NME7: variants seen among roughly 807,000 people sequenced by gnomAD.
NME7 encodes the protein NME/NM23 family member 7.
A neutral mutation model predicts 49.1 loss-of-function variants in NME7; 41 were observed. The ratio of observed to expected loss-of-function variants is 0.83; its 90% CI spans 0.65 to 1.08. NME7 has a LOEUF of 1.08. Ranked by LOEUF, NME7 falls within the 50% of genes least tolerant of loss-of-function variation. The pLI is 0.00. For missense variants in NME7, 423 were observed against 463.4 expected (o/e 0.91, Z 0.80); for synonymous variants, 139 against 150.6 (o/e 0.92, Z 0.56).
intron 11 of NME7, among the ~76,000 whole-genome samples, chr1:169,159,622 T>C (rs977013374): frequency 1.3e-5 from 2 of 152,170 alleles, no homozygotes; most frequent in African/African-American, 4.8e-5. Flanking sequence ...GTAAACTCCC[T>C]TGAAACTTGA....
intron 2 of NME7, among the ~76,000 whole-genome samples, chr1:169,323,631 A>C (rs867225353): frequency 2.0e-5 from 3 of 152,134 alleles, no homozygotes; most frequent in Non-Finnish European, 2.9e-5. Context: ...CAAAATCCCA[A>C]TACCAAAAAG....
At chr1:169,209,138 A>AT (rs933534736) in intron 10 of NME7, among the ~76,000 whole-genome samples, 13 of 152,076 alleles carry the variant, frequency 8.5e-5, no homozygotes, top group Non-Finnish European at 1.5e-5. Flanking sequence ...AGACCTCATT[A>AT]TTGCCACACC....
rs191003080 is a variant in NME7, at chr1:169,258,677, G to A, written c.755-20990C>T. On this transcript the variant is annotated intron_variant, in intron 7 of 11. Coordinates refer to ENST00000367811, the MANE Select transcript of NME7 (RefSeq NM_013330.5). ...TAAAAATAGACTAATACCACAACAC[G>A]GATCACAAGGTATATAATTCTTGCT... 8.4e-5 allele frequency among the ~76,000 whole-genome samples: 11 copies of A among 130,990 alleles called. 2 individuals carry two copies. Among genetic ancestry groups the A allele is most frequent in the African/African-American group, 2.8e-4 (11 of 38,960 alleles). The allele number at this position is 130,990 out of a possible 152,430, so 85.9% of individuals were successfully genotyped here.
chr1:169,138,043 G>A (rs1038764617), intron 11 of NME7, among the ~76,000 whole-genome samples: 2 of 152,238 alleles, frequency 1.3e-5, no homozygotes, highest in Non-Finnish European at 2.9e-5. Flanking sequence ...GGGTGCAGTG[G>A]CTCATGCCTG....
chr1:169,337,693 G>C (rs1363603729), intron 1 of NME7, among the ~76,000 whole-genome samples: 1 of 152,200 alleles, frequency 6.6e-6, no homozygotes, highest in African/African-American at 2.4e-5. Flanking sequence ...AACAAGCATA[G>C]TAATTCACAT....
At chr1:169,262,459 G>C (rs1293265896) in intron 7 of NME7, among the ~76,000 whole-genome samples, 1 of 134,056 alleles carries the variant, frequency 7.5e-6, no homozygotes, top group Non-Finnish European at 1.8e-5. Context: ...GGATATCTGG[G>C]GGCAGGGCTA....
intron 7 of NME7, among the ~76,000 whole-genome samples, chr1:169,253,324 A>G (rs1397326360): frequency 1.3e-5 from 2 of 149,882 alleles, no homozygotes; most frequent in Non-Finnish European, 3.0e-5. Flanking sequence ...CTTTGAAGCA[A>G]TTGTGAATGG....
intron 1 of NME7, among the ~76,000 whole-genome samples, chr1:169,350,423 C>T (rs1190501808): frequency 1.3e-5 from 2 of 152,022 alleles, no homozygotes; most frequent in East Asian, 3.9e-4. Context: ...CCATTCTCCA[C>T]CAGCACTGCC....
chr1:169,330,791 A>G (rs1652225959), intron 1 of NME7, among the ~76,000 whole-genome samples: 1 of 152,200 alleles, frequency 6.6e-6, no homozygotes, highest in African/African-American at 2.4e-5. Flanking sequence ...TAGAAGAAAC[A>G]GAAAAATAAC....
At chr1:169,238,011 T>C (rs796399326) in intron 7 of NME7, among the ~76,000 whole-genome samples, 9 of 152,106 alleles carry the variant, frequency 5.9e-5, no homozygotes, top group African/African-American at 2.2e-4. Context: ...AATGGCATTA[T>C]TTAATACAAA....
intron 4 of NME7, among the ~76,000 whole-genome samples, chr1:169,308,534 C>A (rs973705265): frequency 1.4e-4 from 22 of 152,158 alleles, no homozygotes; most frequent in African/African-American, 5.3e-4. Flanking sequence ...GAAACAAAGG[C>A]CTCTGTCCTA....
chr1:169,324,445 A>C lies in NME7; in HGVS notation c.59T>G (p.Leu20Arg). 6.2e-7 allele frequency: 1 copy of C among 1,613,644 alleles called. No individual in the cohort carries two copies. The highest frequency in any genetic ancestry group is 8.5e-7 in the Non-Finnish European group (1 of 1,179,662). ...IAEWYDPNAS[L>R]LRRYELLFYP... ...AAATAAAAGCTCATAACGTCGAAGA[A>C]GTGAAGCATTTGGATCATACCACTC... The change falls in exon 2 of 12, where the codon CTT becomes CGT. Residue 20 changes from leucine (L) to arginine (R), a missense_variant. Coordinates refer to ENST00000367811, the MANE Select transcript of NME7 (RefSeq NM_013330.5).
At chr1:169,222,624 G>C (rs1189860771) in intron 10 of NME7, among the ~76,000 whole-genome samples, 1 of 152,074 alleles carries the variant, frequency 6.6e-6, no homozygotes, top group African/African-American at 2.4e-5. Flanking sequence ...AGGAACCCCG[G>C]GCTGAGACCT....
At chr1:169,331,170 C>T (rs1050574599) in intron 1 of NME7, among the ~76,000 whole-genome samples, 1 of 152,048 alleles carries the variant, frequency 6.6e-6, no homozygotes, top group Non-Finnish European at 1.5e-5. Flanking sequence ...ATAAGCAAAT[C>T]AATCAATGTG....
At chr1:169,231,951 A>C (rs1486184480) in intron 9 of NME7, among the ~76,000 whole-genome samples, 1 of 151,342 alleles carries the variant, frequency 6.6e-6, no homozygotes, top group Non-Finnish European at 1.5e-5. Context: ...CCAGTAAAAA[A>C]ATTACCAGGC....
chr1:169,205,366 T>C, intron 10 of NME7, among the ~76,000 whole-genome samples: 1 of 152,096 alleles, frequency 6.6e-6, no homozygotes, highest in East Asian at 1.9e-4. Flanking sequence ...AATCAAGACA[T>C]AGGAACAAGG....
chr1:169,307,790 C>T (rs1335871508), intron 4 of NME7, among the ~76,000 whole-genome samples: 5 of 152,144 alleles, frequency 3.3e-5, no homozygotes, highest in Admixed American at 1.3e-4. Flanking sequence ...GAGGCTGAGG[C>T]GGGTGAATCA....
At chr1:169,161,649 C>T (rs1347063915) in intron 11 of NME7, among the ~76,000 whole-genome samples, 1 of 152,238 alleles carries the variant, frequency 6.6e-6, no homozygotes, top group Non-Finnish European at 1.5e-5. Context: ...GCCTCACAGA[C>T]TGGCTGTCTT....
In NME7 at chr1:169,354,998, TTA is replaced by T. The variant is rs1460523724; in HGVS notation, c.3+12708_3+12709del. Reference sequence around the variant, plus strand: ...TTATATATGTTTATATATAATATAATTATATATGTTTATATATAATATAATTA... The same window carrying T: ...TTATATATGTTTATATATAATATAATTATATGTTTATATATAATATAATTA... On this transcript the variant is annotated intron_variant, in intron 1 of 11. Coordinates refer to ENST00000367811, the MANE Select transcript of NME7 (RefSeq NM_013330.5). 2.3e-4 allele frequency among the ~76,000 whole-genome samples: 13 copies of T among 56,536 alleles called. 1 individual carries two copies. Among genetic ancestry groups the T allele is most frequent in the South Asian group, 3.6e-4 (1 of 2,802 alleles). The allele number at this position is 56,536 out of a possible 152,430, so 37.1% of individuals were successfully genotyped here.
Sources: allele counts gnomAD v4.1 joint callset (sites outside exome capture counted in the v4.1 genomes callset), GRCh38; gene constraint gnomAD v4.1.1; transcripts MANE v1.5; gene names NCBI Gene and HGNC (gene_info 2026-07-23, HGNC 2026-07-21).